Variants in FLG observed in about 807,000 individuals in gnomAD.
The protein encoded by FLG is filaggrin, also known as epidermal filaggrin.
A neutral mutation model predicts 3.8 loss-of-function variants in FLG; 6 were observed. The observed-to-expected ratio is 1.60, with a 90% confidence interval of 0.87 to 3.15. FLG has a LOEUF of 3.15. Among genes scored for constraint, FLG ranks in the 30% most tolerant of loss-of-function variants. The pLI is 0.00. For missense variants in FLG, 7,595 were observed against 5,050.9 expected (o/e 1.50, Z -15.27); for synonymous variants, 2,551 against 1,931.6 (o/e 1.32, Z -8.41).
rs1651657800 is a variant in FLG, at chr1:152,302,239, G to A, written c.*461C>T. ...TTAATTATGTCCAAGATGATTTTTT[G>A]AATACAGAATACTAGAATTCCAATA... On this transcript the variant is annotated 3_prime_UTR_variant, in exon 3 of 3. Transcript: ENST00000368799. 1 of 164,608 alleles carries A rather than the reference G, an allele frequency of 6.1e-6. No individual in the cohort carries two copies. The highest frequency in any genetic ancestry group is 2.4e-5 in the African/African-American group (1 of 41,470). The allele number at this position is 164,608 out of a possible 1,614,324, so 10.2% of individuals were successfully genotyped here.
In FLG at chr1:152,312,288, G is replaced by A. The variant is rs763460183; in HGVS notation, c.2598C>T (p.His866=). Residue 866 remains histidine (H), a synonymous_variant, in exon 3 of 3, where the codon CAC becomes CAT. Transcript: ENST00000368799. ...TGGTGTGGCTGTGATGGGACCCTGA[G>A]TGTCCAGACCTATCTACCGATTGCT... ...HHEQSVDRSG[H]SGSHHSHTTS... is the part of the protein sequence containing the mutation. The A allele has an allele frequency of 4.3e-6, 7 of 1,613,576 alleles. No homozygotes were observed. The highest frequency in any genetic ancestry group is 3.3e-5 in the South Asian group (3 of 91,070).
In FLG at chr1:152,311,080, C is replaced by A. The variant is rs1344959624; in HGVS notation, c.3806G>T (p.Ser1269Ile). 6.2e-7 allele frequency: 1 copy of A among 1,614,020 alleles called. No homozygotes were observed. Among genetic ancestry groups the A allele is most frequent in the Non-Finnish European group, 8.5e-7 (1 of 1,180,018 alleles). The change falls in exon 3 of 3, where the codon AGT (serine) becomes ATT (isoleucine). Residue 1269 changes from serine (S) to isoleucine (I), a missense_variant. By Grantham distance (142) the Ser-to-Ile change is moderately radical (BLOSUM62 -2). Transcript: ENST00000368799. Reference protein sequence around the residue: ...GSRTSRHQGSSVSQDSDSERH... With the variant: ...GSRTSRHQGSIVSQDSDSERH... ...CTCACTGTCACTGTCCTGGCTAACA[C>A]TGGATCCCTGGTGCCTGCTTGTCCT...
rs150251062 is a variant in FLG, at chr1:152,310,990, C to T, written c.3896G>A (p.Arg1299Gln). Residue 1299 changes from arginine (R) to glutamine (Q), a missense_variant, in exon 3 of 3, where the codon CGG becomes CAG. By Grantham distance (43) the Arg-to-Gln change is conservative (BLOSUM62 1). Transcript: ENST00000368799. ...SASRNHHGSS[R>Q]EQSRDGSRHP... ...TCTGGAGCCATCTCTTGACTGCTCC[C>T]GAGAAGATCCATGATGGTTTCTGGA... The T allele has an allele frequency of 1.2e-3, 1,970 of 1,613,710 alleles. 14 individuals carry two copies. Among genetic ancestry groups the T allele is most frequent in the South Asian group, 6.6e-3 (599 of 91,008 alleles).
Position 152,303,704 on chromosome 1 carries a change from C to T in FLG, c.11182G>A (p.Gly3728Arg), listed in dbSNP as rs138420878. 2 of 1,614,028 alleles carry T rather than the reference C, an allele frequency of 1.2e-6. No homozygotes were observed. Among genetic ancestry groups the T allele is most frequent in the Admixed American group, 3.3e-5 (2 of 60,000 alleles). Reference sequence around the variant, plus strand: ...CCTTGTCTTCCTCCAGTACTGGGCCCAGCCCGTCCATGGGCAGACTCAGAC... The same window carrying T: ...CCTTGTCTTCCTCCAGTACTGGGCCTAGCCCGTCCATGGGCAGACTCAGAC... ...EQSESAHGRA[G>R]PSTGGRQGSR... is the part of the protein sequence containing the mutation. Residue 3728 changes from glycine to arginine, a missense_variant, in exon 3 of 3, where the codon GGG becomes AGG. By Grantham distance (125) the Gly-to-Arg change is moderately radical. Transcript: ENST00000368799.
In FLG at chr1:152,304,786, C is replaced by A. The variant is rs773870385; in HGVS notation, c.10100G>T (p.Ser3367Ile). Residue 3367 changes from serine to isoleucine, a missense_variant, in exon 3 of 3, where the codon AGC (serine) becomes ATC (isoleucine). Physicochemically the swap from Ser to Ile is moderately radical, Grantham distance 142. Coordinates refer to ENST00000368799, the MANE Select transcript of FLG (RefSeq NM_002016.2). ...CCGGTCACGTGCGGACTCTTGGTGG[C>A]TCTGCTGATGGGGCCCAGCCTGTCC... ...GHGQAGPHQQSHQESARDRSG... is the reference protein window; with the variant it reads ...GHGQAGPHQQIHQESARDRSG... 6.2e-7 allele frequency: 1 copy of A among 1,613,920 alleles called. No individual in the cohort carries two copies. Among genetic ancestry groups the A allele is most frequent in the Non-Finnish European group, 8.5e-7 (1 of 1,179,980 alleles).
Position 152,312,349 on chromosome 1 carries a change from C to T in FLG, c.2537G>A (p.Gly846Glu). 8.7e-6 allele frequency: 14 copies of T among 1,611,912 alleles called. 1 individual carries two copies. The highest frequency in any genetic ancestry group is 1.1e-5 in the Non-Finnish European group (13 of 1,179,456). The change falls in exon 3 of 3, where the codon GGG becomes GAG. Residue 846 changes from glycine (G) to glutamate (E), a missense_variant. Gly to Glu is a moderately conservative substitution (Grantham distance 98). Transcript: ENST00000368799. ...DGQDTIRGHP[G>E]SSRRGRQGSH... is the part of the protein sequence containing the mutation. Reference sequence around the variant, plus strand: ...CCCCTGCCTTCCTCTTCTGCTTGACCCCGGGTGTCCACGAATGGTGTCCTG... The same window carrying T: ...CCCCTGCCTTCCTCTTCTGCTTGACTCCGGGTGTCCACGAATGGTGTCCTG...
At chr1:152,316,056 G>C (rs1016420560) in intron 1 of FLG, among the ~76,000 whole-genome samples, 2 of 151,968 alleles carry the variant, frequency 1.3e-5, no homozygotes, top group African/African-American at 4.8e-5. Context: ...TTTCTGACTG[G>C]GTTTCATTTT....
Position 152,311,893 on chromosome 1 carries a change from G to C in FLG, c.2993C>G (p.Ser998Cys). 1.9e-6 allele frequency: 3 copies of C among 1,614,176 alleles called. No individual in the cohort carries two copies. The highest frequency in any genetic ancestry group is 2.5e-6 in the Non-Finnish European group (3 of 1,180,032). The change falls in exon 3 of 3, where the codon TCT becomes TGT. Residue 998 changes from serine to cysteine, a missense_variant. Physicochemically the swap from Ser to Cys is moderately radical, Grantham distance 112 (BLOSUM62 -1). Transcript: ENST00000368799. Reference sequence around the variant, plus strand: ...TCCTGATTGTCTGGAGCTGTCTGCAGAGTGCCCGTGACCGGCTCTGTCTTC... The same window carrying C: ...TCCTGATTGTCTGGAGCTGTCTGCACAGTGCCCGTGACCGGCTCTGTCTTC... ...HHEDRAGHGHSADSSRQSGTP... is the reference protein window; with the variant it reads ...HHEDRAGHGHCADSSRQSGTP...
chr1:152,303,336 T>C lies in FLG; in HGVS notation c.11550A>G (p.Ser3850=). 6.2e-7 allele frequency: 1 copy of C among 1,614,122 alleles called. No individual in the cohort carries two copies. The highest frequency in any genetic ancestry group is 1.1e-5 in the South Asian group (1 of 91,080). Residue 3850 remains serine, a synonymous_variant, in exon 3 of 3, where the codon TCA becomes TCG. Transcript: ENST00000368799. ...GGCGCCTGCTTCTCCTGGACCCCGC[T>C]GATTCACCCTGGCCGGACTGTGAGT... ...SRHSQSGQGE[S]AGSRRSRRQG...
In FLG at chr1:152,313,482, G is replaced by C. The variant is rs1303521516; in HGVS notation, c.1404C>G (p.Ser468=). The change falls in exon 3 of 3, where the codon TCC becomes TCG. Residue 468 remains serine, a synonymous_variant. Coordinates refer to ENST00000368799, the MANE Select transcript of FLG (RefSeq NM_002016.2). ...GTTCATGAGTGCTCACCTGGTAGAG[G>C]GAAGACCCTGAACGTCCAGACCGTT... ...SGERSGRSGS[S]LYQVSTHEQP... 2 of 1,613,758 alleles carry C rather than the reference G, an allele frequency of 1.2e-6. No individual in the cohort carries two copies. The highest frequency in any genetic ancestry group is 1.7e-6 in the Non-Finnish European group (2 of 1,179,986).
rs755045148 is a variant in FLG at position 152,313,724 on chromosome 1, G to A, written c.1162C>T (p.His388Tyr). 1.2e-6 allele frequency: 2 copies of A among 1,614,098 alleles called. No individual in the cohort carries two copies. Among genetic ancestry groups the A allele is most frequent in the Admixed American group, 1.7e-5 (1 of 60,020 alleles). ...CTGGAGCTGTCTGCTGACTGCTGGT[G>A]GCCGGATCCATGTCTTTCTCCTGGA... is the stretch of plus-strand genomic sequence containing the variant. ...SSPGERHGSG[H>Y]QQSADSSRHS... The change falls in exon 3 of 3, where the codon CAC (histidine) becomes TAC (tyrosine). Residue 388 changes from histidine (H) to tyrosine (Y), a missense_variant. Coordinates refer to ENST00000368799, the MANE Select transcript of FLG (RefSeq NM_002016.2).
Position 152,313,704 on chromosome 1 carries a change from G to T in FLG, c.1182C>A (p.Ser394Arg). The T allele has an allele frequency of 6.2e-7, 1 of 1,614,122 alleles. No individual in the cohort carries two copies. Among genetic ancestry groups the T allele is most frequent in the Non-Finnish European group, 8.5e-7 (1 of 1,179,992 alleles). Residue 394 changes from serine (S) to arginine (R), a missense_variant, in exon 3 of 3, where the codon AGC becomes AGA. Transcript: ENST00000368799. ...HGSGHQQSAD[S>R]SRHSATGRGQ... Reference sequence around the variant, plus strand: ...CGCGCCCAGTGGCTGAGTGTCTGGAGCTGTCTGCTGACTGCTGGTGGCCGG... The same window carrying T: ...CGCGCCCAGTGGCTGAGTGTCTGGATCTGTCTGCTGACTGCTGGTGGCCGG...
At chr1:152,316,324 G>T (rs948578796) in intron 1 of FLG, among the ~76,000 whole-genome samples, 1 of 151,808 alleles carries the variant, frequency 6.6e-6, no homozygotes, top group Non-Finnish European at 1.5e-5. Context: ...TATGTATTTG[G>T]GTAAGTTTAT....
rs745915174 is a variant in FLG, at chr1:152,311,660, CCTCA to C, written c.3222_3225del (p.Ser1074ArgfsTer47). On this transcript the variant is annotated frameshift_variant, in exon 3 of 3. Coordinates refer to ENST00000368799, the MANE Select transcript of FLG (RefSeq NM_002016.2). LOFTEE classifies it low-confidence loss of function (END_TRUNC). Reference sequence around the variant, plus strand: ...TGTGTGTCTGACTCCTCTGAATGTCCCTCACTATCACTGGCCTGACTACCACTGG... The same window carrying C: ...TGTGTGTCTGACTCCTCTGAATGTCCCTATCACTGGCCTGACTACCACTGG... 2.0e-5 allele frequency: 33 copies of C among 1,614,134 alleles called. No individual in the cohort carries two copies. In the East Asian group the frequency reaches 6.5e-4, roughly 32 times the overall value.
chr1:152,310,536 C>A lies in FLG; in HGVS notation c.4350G>T (p.Gln1450His), dbSNP rs750640524. 3.1e-6 allele frequency: 5 copies of A among 1,613,886 alleles called. No homozygotes were observed. In the South Asian group the frequency reaches 5.5e-5, roughly 18 times the overall value. Residue 1450 changes from glutamine to histidine, a missense_variant, in exon 3 of 3, where the codon CAG becomes CAT. By Grantham distance (24) the Gln-to-His change is conservative. Transcript: ENST00000368799. Reference protein sequence around the residue: ...SFLYQVSSHEQSESTHGQTAP... With the variant: ...SFLYQVSSHEHSESTHGQTAP... Reference sequence around the variant, plus strand: ...CAGTCTGTCCGTGTGTGGACTCAGACTGTTCATGAGAGCTCACCTGGTAGA... The same window carrying A: ...CAGTCTGTCCGTGTGTGGACTCAGAATGTTCATGAGAGCTCACCTGGTAGA...
chr1:152,309,336 T>A lies in FLG; in HGVS notation c.5550A>T (p.Glu1850Asp), dbSNP rs1199177044. Residue 1850 changes from glutamate (E) to aspartate (D), a missense_variant, in exon 3 of 3, where the codon GAA (glutamate) becomes GAT (aspartate). Coordinates refer to ENST00000368799, the MANE Select transcript of FLG (RefSeq NM_002016.2). ...GSHHSHTTSQ[E>D]RSDVSRGQSG... is the part of the protein sequence containing the mutation. ...ACTGCCCACGGGAGACATCAGACCT[T>A]TCCTGGGACGTGGTGTGGCTGTGAT... The A allele has an allele frequency of 6.2e-7, 1 of 1,613,846 alleles. No individual in the cohort carries two copies. Among genetic ancestry groups the A allele is most frequent in the Admixed American group, 1.7e-5 (1 of 59,978 alleles).
In FLG at chr1:152,309,280, C is replaced by A; in HGVS notation, c.5606G>T (p.Arg1869Leu). The change falls in exon 3 of 3, where the codon CGT becomes CTT. Residue 1869 changes from arginine to leucine, a missense_variant. Physicochemically the swap from Arg to Leu is moderately radical, Grantham distance 102. Transcript: ENST00000368799. ...GCCGTCTCCTGATTGTTTCTCATTACGTGTTTGTCTGCTGACACTTCTGGA... is the reference window on the plus strand; with the variant it reads ...GCCGTCTCCTGATTGTTTCTCATTAAGTGTTTGTCTGCTGACACTTCTGGA... ...SGSRSVSRQT[R>L]NEKQSGDGSR... 4 of 1,613,682 alleles carry A rather than the reference C, an allele frequency of 2.5e-6. No individual in the cohort carries two copies. Among genetic ancestry groups the A allele is most frequent in the Non-Finnish European group, 3.4e-6 (4 of 1,179,966 alleles).
In FLG at chr1:152,311,110, C is replaced by A. The variant is rs776372595; in HGVS notation, c.3776G>T (p.Gly1259Val). Residue 1259 changes from glycine to valine, a missense_variant, in exon 3 of 3, where the codon GGG becomes GTG. By Grantham distance (109) the Gly-to-Val change is moderately radical. Transcript: ENST00000368799. The part of the protein sequence containing the change: ...HSQVGQEQSS[G>V]SRTSRHQGSS... ...TCCCTGGTGCCTGCTTGTCCTGGAC[C>A]CCGATGATTGTTCCTGTCCCACCTG... 7.7e-5 allele frequency: 124 copies of A among 1,613,638 alleles called. 1 individual carries two copies. In the Admixed American group the frequency reaches 1.5e-3, roughly 19 times the overall value.
In FLG at chr1:152,313,965, T is replaced by C. The variant is rs1652651364; in HGVS notation, c.921A>G (p.Ser307=). 6.2e-7 allele frequency: 1 copy of C among 1,614,092 alleles called. No homozygotes were observed. Among genetic ancestry groups the C allele is most frequent in the Non-Finnish European group, 8.5e-7 (1 of 1,180,060 alleles). Residue 307 remains serine, a synonymous_variant, in exon 3 of 3, where the codon TCA becomes TCG. Transcript: ENST00000368799. ...ACCCAGAGTGCCTCTCAGAGTCTTC[T>C]GAGTGTCCCTCACTGTCCCTGTCCT... The part of the protein sequence containing the change: ...VSQDRDSEGH[S]EDSERHSGSA...
Sources: gnomAD v4.1 joint callset for allele counts (sites outside exome capture counted in the v4.1 genomes callset) on GRCh38, gnomAD v4.1.1 for gene constraint, MANE v1.5 for transcripts, NCBI Gene and HGNC (gene_info 2026-07-23, HGNC 2026-07-21) for gene names.